Variants in IGBP1 observed in about 807,000 individuals in gnomAD.
The protein encoded by IGBP1 is immunoglobulin binding protein 1, also known as immunoglobulin-binding protein 1.
A neutral mutation model predicts 25.9 loss-of-function variants in IGBP1; 2 were observed. The ratio of observed to expected loss-of-function variants is 0.08; its 90% CI spans 0.03 to 0.24. IGBP1 has a LOEUF of 0.24. Among genes scored for constraint, IGBP1 ranks in the 10% least tolerant of loss-of-function variants. The probability of loss-of-function intolerance (pLI) is 1.00; values close to 1 mark genes in which losing one functional copy is unlikely to be tolerated. For synonymous variants in IGBP1, 96 were observed against 93.4 expected, an observed-to-expected ratio of 1.03 and a Z score of -0.16; for missense variants, 187 against 260.4, an observed-to-expected ratio of 0.72 and a Z score of 1.94.
chrX:70,146,874 A>G, intron 4 of IGBP1, 46 bp downstream of exon 4: 1 of 928,656 alleles, frequency 1.1e-6, no homozygotes, highest in Non-Finnish European at 1.6e-6. Context: ...TGAGTATTCT[A>G]CAGGAGATCA....
chrX:70,134,500 C>G (rs2085083178), intron 2 of IGBP1, 23 bp from the exon 3 acceptor site: 1 of 1,205,373 alleles, frequency 8.3e-7, no homozygotes, highest in Non-Finnish European at 1.1e-6. Flanking sequence ...TCAGGCTTCA[C>G]TGCCTCCTTT....
At chrX:70,162,003 TAAATCTCCCC>T (rs1289095474) in intron 6 of IGBP1, among the ~76,000 whole-genome samples, 5 of 109,216 alleles carry the variant, frequency 4.6e-5, no homozygotes. Context: ...GGAGAAGAGA[TAAATCTCCCC>T]TACAGAAAAA....
At chrX:70,137,606 G>A (rs1012598863) in intron 3 of IGBP1, among the ~76,000 whole-genome samples, 1 of 109,970 alleles carries the variant, frequency 9.1e-6, no homozygotes, top group African/African-American at 3.3e-5. Flanking sequence ...GAATAATAAA[G>A]TTAGGGGATA....
chrX:70,136,205 A>AAGT (rs1201218175), intron 3 of IGBP1, among the ~76,000 whole-genome samples: 1 of 111,886 alleles, frequency 8.9e-6, no homozygotes, highest in East Asian at 2.8e-4. Context: ...TGTGAAATCT[A>AAGT]AGTAATAATG....
chrX:70,139,311 C>CAAA (rs775830617), intron 3 of IGBP1, among the ~76,000 whole-genome samples: 2 of 39,439 alleles, frequency 5.1e-5, no homozygotes, highest in Admixed American at 3.1e-4. Context: ...GACTCCGTCT[C>CAAA]AAAAAAAAAA....
intron 3 of IGBP1, 49 bp downstream of exon 3, chrX:70,134,865 A>T (rs1381718302): frequency 2.7e-6 from 3 of 1,125,285 alleles, no homozygotes; most frequent in Non-Finnish European, 3.7e-6. Context: ...GGTGCTTTTC[A>T]GGGGCATGCT....
At chrX:70,156,570 A>G (rs2085241866) in intron 6 of IGBP1, among the ~76,000 whole-genome samples, 1 of 112,427 alleles carries the variant, frequency 8.9e-6, no homozygotes, top group African/African-American at 3.2e-5. Flanking sequence ...TATAGGTCTA[A>G]GAAGAAATTA....
intron 3 of IGBP1, among the ~76,000 whole-genome samples, chrX:70,138,371 C>G (rs906854979): frequency 1.9e-5 from 2 of 107,305 alleles, no homozygotes; most frequent in African/African-American, 6.8e-5. Context: ...CCTGTAGTCC[C>G]AGCTACTCCA....
At chrX:70,134,489 G>A (rs887227117) in intron 2 of IGBP1, 34 bp from the exon 3 acceptor site, 1 of 1,197,115 alleles carries the variant, frequency 8.4e-7, no homozygotes, top group Non-Finnish European at 1.1e-6. Flanking sequence ...TGAATGCCTA[G>A]TCAGGCTTCA....
At position 70,133,943 on chromosome X, in the gene IGBP1, C is replaced by G; in HGVS notation, c.-5C>G. Reference sequence around the variant, plus strand: ...AGAGATCTTCCGGGTTCCTCTCTCCCCAAGATGGCTGCTGAGGACGAGTTA... The same window carrying G: ...AGAGATCTTCCGGGTTCCTCTCTCCGCAAGATGGCTGCTGAGGACGAGTTA... On this transcript the variant is annotated 5_prime_UTR_variant, in exon 2 of 7. Transcript: ENST00000356413. 8.3e-7 allele frequency: 1 copy of G among 1,210,003 alleles called. No homozygotes were observed. Among genetic ancestry groups the G allele is most frequent in the Non-Finnish European group, 1.1e-6 (1 of 894,078 alleles).
chrX:70,147,269 T>C (rs1221938740), intron 4 of IGBP1, among the ~76,000 whole-genome samples: 1 of 110,601 alleles, frequency 9.0e-6, no homozygotes, highest in African/African-American at 3.3e-5. Context: ...CCCCCTCTAC[T>C]AAAAATAGCC....
intron 6 of IGBP1, among the ~76,000 whole-genome samples, chrX:70,155,320 C>T (rs2085232671): frequency 9.1e-6 from 1 of 110,328 alleles, no homozygotes; most frequent in African/African-American, 3.3e-5. Flanking sequence ...CATGGTGAAA[C>T]CCCATCTATA....
chrX:70,159,582 G>C, intron 6 of IGBP1, among the ~76,000 whole-genome samples: 1 of 110,914 alleles, frequency 9.0e-6, no homozygotes, highest in Non-Finnish European at 1.9e-5. Flanking sequence ...CTCAGGCACA[G>C]GTGGATGCTG....
chrX:70,137,596 G>A (rs1174165411), intron 3 of IGBP1, among the ~76,000 whole-genome samples: 1 of 109,831 alleles, frequency 9.1e-6, no homozygotes, highest in Admixed American at 9.8e-5. Context: ...GGACCATGAG[G>A]AATAATAAAG....
intron 3 of IGBP1, among the ~76,000 whole-genome samples, chrX:70,143,923 G>A (rs1183806129): frequency 1.8e-5 from 2 of 112,563 alleles, no homozygotes; most frequent in African/African-American, 6.5e-5. Flanking sequence ...TGGGCGCGGT[G>A]GCTCACGCCT....
intron 3 of IGBP1, among the ~76,000 whole-genome samples, chrX:70,142,210 A>G (rs1353960105): frequency 9.0e-6 from 1 of 111,503 alleles, no homozygotes; most frequent in Non-Finnish European, 1.9e-5. Context: ...GCACACCTGT[A>G]GTCCCAGCCA....
intron 6 of IGBP1, among the ~76,000 whole-genome samples, chrX:70,159,006 C>T (rs148642313): frequency 2.7e-3 from 305 of 111,691 alleles, no homozygotes; most frequent in Middle Eastern, 0.023. Flanking sequence ...CAGAAAGACA[C>T]GCTCAAAAAA....
intron 6 of IGBP1, among the ~76,000 whole-genome samples, chrX:70,161,742 A>G (rs1323618465): frequency 9.0e-6 from 1 of 111,357 alleles, no homozygotes; most frequent in Admixed American, 9.6e-5. Flanking sequence ...TACTGTATGC[A>G]TGTCACTTTC....
At chrX:70,158,590 T>G (rs1020854740) in intron 6 of IGBP1, among the ~76,000 whole-genome samples, 1 of 110,982 alleles carries the variant, frequency 9.0e-6, no homozygotes, top group African/African-American at 3.3e-5. Context: ...ACACCTGTAA[T>G]CCCAGCACTT....
Sources: allele counts gnomAD v4.1 joint callset (sites outside exome capture counted in the v4.1 genomes callset), GRCh38; gene constraint gnomAD v4.1.1; transcripts MANE v1.5; gene names NCBI Gene and HGNC (gene_info 2026-07-23, HGNC 2026-07-21).